The following ST8SIA6 variants were observed in gnomAD, a reference collection of about 807,000 sequenced individuals.
ST8SIA6 encodes alpha-2,8-sialyltransferase 8F.
In ST8SIA6, 39 loss-of-function variants were observed where a neutral mutation model predicts 33.6. That is an observed-to-expected ratio of 1.16 (90% CI 0.90 to 1.52). The LOEUF (loss-of-function observed/expected upper bound fraction) is 1.52. Among genes scored for constraint, ST8SIA6 ranks in the 40% most tolerant of loss-of-function variants. The probability of loss-of-function intolerance (pLI) is 0.00; values close to 1 mark genes in which losing one functional copy is unlikely to be tolerated. For synonymous variants in ST8SIA6, 172 were observed against 167.2 expected (o/e 1.03, Z -0.22); for missense variants, 441 against 443.8 (o/e 0.99, Z 0.06).
intron 3 of ST8SIA6, among the ~76,000 whole-genome samples, chr10:17,375,265 T>C (rs1033402575): frequency 4.6e-5 from 7 of 152,226 alleles, no homozygotes; most frequent in African/African-American, 1.7e-4. Context: ...ATCTTGTCTA[T>C]GACCAAAAAT....
intron 2 of ST8SIA6, among the ~76,000 whole-genome samples, chr10:17,404,360 A>G (rs75134917): frequency 9.6e-4 from 146 of 152,246 alleles, no homozygotes; most frequent in African/African-American, 3.4e-3. Flanking sequence ...TTTGCCCTTC[A>G]ATGGAGAACC....
intron 2 of ST8SIA6, among the ~76,000 whole-genome samples, chr10:17,444,837 G>A (rs976985575): frequency 3.3e-5 from 5 of 152,198 alleles, no homozygotes; most frequent in Non-Finnish European, 7.3e-5. Flanking sequence ...TAAAAGAGAA[G>A]GGTTGCAATT....
At chr10:17,411,249 T>C (rs1170073374) in intron 2 of ST8SIA6, among the ~76,000 whole-genome samples, 1 of 152,072 alleles carries the variant, frequency 6.6e-6, no homozygotes, top group African/African-American at 2.4e-5. Flanking sequence ...TGCAGTGCGA[T>C]CTCGGCTCAC....
chr10:17,322,742 C>T (rs1373129796), intron 7 of ST8SIA6, among the ~76,000 whole-genome samples: 1 of 151,864 alleles, frequency 6.6e-6, no homozygotes, highest in Non-Finnish European at 1.5e-5. Context: ...CAAGAAAGTG[C>T]TACCAAGAAA....
At chr10:17,426,483 A>T (rs1851942704) in intron 2 of ST8SIA6, among the ~76,000 whole-genome samples, 1 of 152,200 alleles carries the variant, frequency 6.6e-6, no homozygotes, top group African/African-American at 2.4e-5. Context: ...CCCAAGTGGG[A>T]AAAAGAGCTG....
chr10:17,336,972 T>C (rs1848519038), intron 4 of ST8SIA6, among the ~76,000 whole-genome samples: 1 of 152,178 alleles, frequency 6.6e-6, no homozygotes, highest in African/African-American at 2.4e-5. Context: ...CCATATGACA[T>C]GGTTTGGGTC....
intron 4 of ST8SIA6, among the ~76,000 whole-genome samples, chr10:17,357,782 C>A (rs565716705): frequency 6.6e-6 from 1 of 152,254 alleles, no homozygotes; most frequent in South Asian, 2.1e-4. Context: ...CCTATACTCC[C>A]TACTTTGATC....
intron 4 of ST8SIA6, among the ~76,000 whole-genome samples, chr10:17,353,446 G>T (rs901462419): frequency 6.6e-6 from 1 of 152,122 alleles, no homozygotes; most frequent in African/African-American, 2.4e-5. Context: ...AGATATGCAG[G>T]TGTATTTTGT....
chr10:17,385,810 G>T (rs894960073), intron 3 of ST8SIA6, among the ~76,000 whole-genome samples: 4 of 152,092 alleles, frequency 2.6e-5, no homozygotes, highest in African/African-American at 9.7e-5. Context: ...AGCTACTTAG[G>T]GGAAATGTTG....
chr10:17,395,346 C>G (rs1413925254), intron 2 of ST8SIA6, among the ~76,000 whole-genome samples: 2 of 152,086 alleles, frequency 1.3e-5, no homozygotes, highest in African/African-American at 4.8e-5. Flanking sequence ...GAACTCCTTT[C>G]CAGGTAGAAG....
At chr10:17,331,103 A>G (rs907279561) in intron 5 of ST8SIA6, among the ~76,000 whole-genome samples, 14 of 152,334 alleles carry the variant, frequency 9.2e-5, no homozygotes, top group Middle Eastern at 3.4e-3. Context: ...GAGATGAAAA[A>G]TGGCCGTCTT....
intron 6 of ST8SIA6, among the ~76,000 whole-genome samples, chr10:17,325,408 TTATA>T (rs1250386181): frequency 2.0e-5 from 3 of 147,662 alleles, no homozygotes; most frequent in South Asian, 2.1e-4. Context: ...ATATATGTGA[TTATA>T]TATATTACTA....
At chr10:17,418,774 C>T (rs979562875) in intron 2 of ST8SIA6, among the ~76,000 whole-genome samples, 1 of 152,120 alleles carries the variant, frequency 6.6e-6, no homozygotes, top group African/African-American at 2.4e-5. Flanking sequence ...AGGTGAATCA[C>T]TTGAGGTCAG....
chr10:17,429,088 G>A (rs1852023244), intron 2 of ST8SIA6, among the ~76,000 whole-genome samples: 1 of 151,594 alleles, frequency 6.6e-6, no homozygotes, highest in Non-Finnish European at 1.5e-5. Context: ...TCGTTCTGTA[G>A]TGCCCCCTCC....
intron 4 of ST8SIA6, among the ~76,000 whole-genome samples, chr10:17,333,717 A>ATATATATAT (rs1251981910): frequency 1.2e-4 from 4 of 33,754 alleles, no homozygotes; most frequent in Non-Finnish European, 1.9e-4. Context: ...ATATATATAT[A>ATATATATAT]TTTTTTTTTT....
chr10:17,436,367 T>G (rs186026761), intron 2 of ST8SIA6, among the ~76,000 whole-genome samples: 2 of 152,138 alleles, frequency 1.3e-5, no homozygotes, highest in African/African-American at 4.8e-5. Flanking sequence ...TCTGATGGTT[T>G]GTTTTTGTTT....
intron 2 of ST8SIA6, among the ~76,000 whole-genome samples, chr10:17,417,018 A>C (rs1009819498): frequency 6.6e-6 from 1 of 152,108 alleles, no homozygotes; most frequent in African/African-American, 2.4e-5. Flanking sequence ...TCAGGAAAAG[A>C]GGTTTATTTG....
At chr10:17,425,096 A>T (rs1410595294) in intron 2 of ST8SIA6, among the ~76,000 whole-genome samples, 1 of 152,194 alleles carries the variant, frequency 6.6e-6, no homozygotes, top group South Asian at 2.1e-4. Context: ...GGGACTCAAC[A>T]TTGGAATAAT....
At chr10:17,381,102 A>T (rs942632268) in intron 3 of ST8SIA6, among the ~76,000 whole-genome samples, 3 of 151,472 alleles carry the variant, frequency 2.0e-5, no homozygotes, top group Admixed American at 6.6e-5. Flanking sequence ...TAACATAGTT[A>T]TTGAAACAGA....
Sources: gnomAD v4.1 joint callset for allele counts (sites outside exome capture counted in the v4.1 genomes callset) on GRCh38, gnomAD v4.1.1 for gene constraint, MANE v1.5 for transcripts, NCBI Gene and HGNC (gene_info 2026-07-23, HGNC 2026-07-21) for gene names.